XKR9: variants seen among roughly 807,000 people sequenced by gnomAD.
The protein encoded by XKR9 is XK-related protein 9.
In XKR9, 32 loss-of-function variants were observed where a neutral mutation model predicts 32.0. The ratio of observed to expected loss-of-function variants is 1.00; its 90% CI spans 0.76 to 1.34. The LOEUF is 1.34. Among genes scored for constraint, XKR9 ranks in the 40% most tolerant of loss-of-function variants. The probability of loss-of-function intolerance (pLI) is 0.00; values close to 1 mark genes in which losing one functional copy is unlikely to be tolerated. For synonymous variants in XKR9, 168 were observed against 143.4 expected, an observed-to-expected ratio of 1.17 and a Z score of -1.22; for missense variants, 546 against 429.7, an observed-to-expected ratio of 1.27 and a Z score of -2.39.
chr8:71,009,940 T>A, the XKR9 span, among the ~76,000 whole-genome samples: 4 of 152,206 alleles, frequency 2.6e-5, no homozygotes, highest in Non-Finnish European at 5.9e-5. Context: ...AGATGACCAG[T>A]GCAGCCCATG....
the XKR9 span, among the ~76,000 whole-genome samples, chr8:70,814,682 C>G: frequency 2.0e-5 from 3 of 152,088 alleles, no homozygotes; most frequent in Non-Finnish European, 4.4e-5. Flanking sequence ...AAGAACTGGA[C>G]AAGAGAAGGA....
the XKR9 span, among the ~76,000 whole-genome samples, chr8:70,860,303 T>C: frequency 6.6e-6 from 1 of 152,204 alleles, no homozygotes; most frequent in African/African-American, 2.4e-5. Flanking sequence ...AAGAAGCCAG[T>C]GAGCTAGCTA....
chr8:70,696,829 T>G (rs948472731), intron 3 of XKR9, among the ~76,000 whole-genome samples: 2 of 147,404 alleles, frequency 1.4e-5, no homozygotes, highest in Non-Finnish European at 3.0e-5. Flanking sequence ...GGAATGTTCT[T>G]CCGTTTGTTT....
In XKR9 at chr8:70,680,955, A is replaced by T; in HGVS notation, c.-104A>T. ...TAAATAGATTTAGGGAGTAGAAATTAAAATTCAATGCTATACCAAAGGGTA... is the reference window on the plus strand; with the variant it reads ...TAAATAGATTTAGGGAGTAGAAATTTAAATTCAATGCTATACCAAAGGGTA... On this transcript the variant is annotated 5_prime_UTR_variant, in exon 3 of 5. Coordinates refer to ENST00000408926, the MANE Select transcript of XKR9 (RefSeq NM_001011720.2). 9.3e-7 allele frequency: 1 copy of T among 1,073,622 alleles called. No homozygotes were observed. The highest frequency in any genetic ancestry group is 1.3e-6 in the Non-Finnish European group (1 of 759,892). 66.5% of individuals were successfully genotyped at this position (1,073,622 alleles called of 1,614,324 possible). A position where few individuals can be genotyped will look rare whatever the true frequency, so the allele number is the denominator to read the frequency against.
chr8:71,019,909 TAA>T, the XKR9 span, among the ~76,000 whole-genome samples: 1 of 152,196 alleles, frequency 6.6e-6, no homozygotes. Context: ...ACTGGCCTGG[TAA>T]AGTCATATAA....
chr8:70,901,746 T>A, the XKR9 span, among the ~76,000 whole-genome samples: 1 of 152,146 alleles, frequency 6.6e-6, no homozygotes, highest in Non-Finnish European at 1.5e-5. Context: ...ATGCCTGTGT[T>A]CTGAATGGTA....
chr8:70,768,947 A>G (rs760796926), intron 2 of XKR9, among the ~76,000 whole-genome samples: 8 of 152,196 alleles, frequency 5.3e-5, no homozygotes, highest in Non-Finnish European at 1.0e-4. Flanking sequence ...TAATATTGTT[A>G]TGTGTGAATT....
rs140642238 is a variant in XKR9 at position 70,733,964 on chromosome 8, T to C, written c.662T>C (p.Val221Ala). ...TTATTATCGTGGATGCTGAGTGTTG[T>C]ACTTCTACTATTCTTAAATGTTAAG... ...FTLLSWMLSV[V>A]LLLFLNVKIA... The change falls in exon 5 of 5, where the codon GTA becomes GCA. Residue 221 changes from valine (V) to alanine (A), a missense_variant. Transcript: ENST00000408926. 5.6e-5 allele frequency: 90 copies of C among 1,612,808 alleles called. No individual in the cohort carries two copies. The African/African-American group carries it at 1.2e-3, about 21-fold the overall frequency.
At chr8:70,769,235 T>G (rs1314133449) in intron 2 of XKR9, among the ~76,000 whole-genome samples, 1 of 152,028 alleles carries the variant, frequency 6.6e-6, no homozygotes, top group Non-Finnish European at 1.5e-5. Context: ...AATCTTTTTT[T>G]TTTTTTTTTA....
chr8:70,959,307 G>A, the XKR9 span, among the ~76,000 whole-genome samples: 1 of 152,052 alleles, frequency 6.6e-6, no homozygotes, highest in Non-Finnish European at 1.5e-5. Context: ...TTCACATATA[G>A]GATATTATAC....
At chr8:70,923,428 C>T in the XKR9 span, among the ~76,000 whole-genome samples, 1 of 152,256 alleles carries the variant, frequency 6.6e-6, no homozygotes, top group Admixed American at 6.5e-5. Flanking sequence ...CCCAAGTCTC[C>T]TGAACCTTGA....
chr8:70,962,943 T>C, the XKR9 span, among the ~76,000 whole-genome samples: 4 of 152,206 alleles, frequency 2.6e-5, no homozygotes, highest in African/African-American at 9.7e-5. Context: ...AAGCCAGGAC[T>C]TCAGAGTACA....
At chr8:70,924,353 G>T in the XKR9 span, among the ~76,000 whole-genome samples, 2 of 152,080 alleles carry the variant, frequency 1.3e-5, no homozygotes, top group Non-Finnish European at 1.5e-5. Context: ...AATACCACAA[G>T]ATTTACTTCT....
chr8:70,779,393 G>A (rs1003985351), intron 2 of XKR9, among the ~76,000 whole-genome samples: 1 of 152,142 alleles, frequency 6.6e-6, no homozygotes, highest in Non-Finnish European at 1.5e-5. Context: ...GTTCATCAGG[G>A]ATATTGGCCT....
At chr8:70,924,863 G>A in the XKR9 span, among the ~76,000 whole-genome samples, 6 of 152,174 alleles carry the variant, frequency 3.9e-5, no homozygotes, top group Admixed American at 3.9e-4. Flanking sequence ...CACATTGTAT[G>A]TGACTACTTT....
the XKR9 span, among the ~76,000 whole-genome samples, chr8:71,019,516 T>C: frequency 4.6e-5 from 7 of 152,212 alleles, no homozygotes; most frequent in South Asian, 1.5e-3. Flanking sequence ...GCTGCCTCTC[T>C]GTGCTGGGCC....
At chr8:70,818,195 TA>T in the XKR9 span, among the ~76,000 whole-genome samples, 10 of 129,810 alleles carry the variant, frequency 7.7e-5, no homozygotes, top group Non-Finnish European at 1.3e-4. Flanking sequence ...TTTGTTTATT[TA>T]TTTTTTTTTT....
the XKR9 span, among the ~76,000 whole-genome samples, chr8:70,930,339 G>A: frequency 6.6e-6 from 1 of 152,126 alleles, no homozygotes; most frequent in Non-Finnish European, 1.5e-5. Flanking sequence ...TGTGAGAAGG[G>A]CTAGGATGAA....
chr8:70,724,296 A>T (rs1216773118), intron 4 of XKR9, among the ~76,000 whole-genome samples: 1 of 152,120 alleles, frequency 6.6e-6, no homozygotes, highest in Non-Finnish European at 1.5e-5. Context: ...ATTTCAAGTC[A>T]GTGGTTCTTA....
Sources: gnomAD v4.1 joint callset for allele counts (sites outside exome capture counted in the v4.1 genomes callset) on GRCh38, gnomAD v4.1.1 for gene constraint, MANE v1.5 for transcripts, NCBI Gene and HGNC (gene_info 2026-07-23, HGNC 2026-07-21) for gene names.